Variants in BATF observed in about 807,000 individuals in gnomAD.
The protein encoded by BATF is basic leucine zipper ATF-like transcription factor.
A neutral mutation model predicts 13.7 loss-of-function variants in BATF; 5 were observed. That is an observed-to-expected ratio of 0.36 (90% confidence interval 0.19 to 0.77). The LOEUF (loss-of-function observed/expected upper bound fraction) is 0.77. BATF is among the 30% of genes least tolerant of loss of function. The probability of loss-of-function intolerance (pLI) is 0.51; values close to 1 mark genes in which losing one functional copy is unlikely to be tolerated. For missense variants in BATF, 124 were observed against 163.0 expected, an observed-to-expected ratio of 0.76 and a Z score of 1.30; for synonymous variants, 72 against 67.5, an observed-to-expected ratio of 1.07 and a Z score of -0.33.
chr14:75,522,588 G>T lies in BATF; in HGVS notation c.-95G>T. On this transcript the variant is annotated 5_prime_UTR_variant, in exon 1 of 3. Transcript: ENST00000286639. ...AGGCACCTGTAGGGGGTGGTGGGCT[G>T]GTGGCCCAGGAGAAGTCAGGAAGGG... 6.9e-7 allele frequency: 1 copy of T among 1,440,560 alleles called. No homozygotes were observed. Among genetic ancestry groups the T allele is most frequent in the Admixed American group, 1.7e-5 (1 of 58,714 alleles). The allele number at this position is 1,440,560 out of a possible 1,614,324, so 89.2% of individuals were successfully genotyped here. A position where few individuals can be genotyped will look rare whatever the true frequency, so the allele number is the denominator to read the frequency against.
rs1887745716 is a variant in BATF, at chr14:75,532,278, T to C, written c.168+7090T>C. ...CCTATATTTTCCTTGAATCTCTACA[T>C]GAATTAATTTTTTTGTCTTTTAAGC... On this transcript the variant is annotated intron_variant, in intron 2 of 2. Transcript: ENST00000286639. 7.9e-5 allele frequency among the ~76,000 whole-genome samples: 12 copies of C among 152,322 alleles called. 1 individual carries two copies. The South Asian group carries it at 2.5e-3, about 32-fold the overall frequency.
chr14:75,544,078 T>C (rs1280646402), intron 2 of BATF, among the ~76,000 whole-genome samples: 1 of 152,128 alleles, frequency 6.6e-6, no homozygotes, highest in Admixed American at 6.6e-5. Flanking sequence ...TGCCAGGCAT[T>C]GAGCCAGGCA....
intron 1 of BATF, 91 bp from the exon 2 acceptor site, chr14:75,524,993 T>A: frequency 9.1e-7 from 1 of 1,102,962 alleles, no homozygotes; most frequent in Middle Eastern, 2.0e-4. Context: ...CATGGAAGGA[T>A]GGCTGGACGG....
At chr14:75,536,886 C>T (rs1366873211) in intron 2 of BATF, among the ~76,000 whole-genome samples, 1 of 152,130 alleles carries the variant, frequency 6.6e-6, no homozygotes, top group East Asian at 1.9e-4. Flanking sequence ...GCAATAGCAC[C>T]TCACTAGGCT....
At position 75,546,759 on chromosome 14, in the gene BATF, T is replaced by C. The variant is rs947420640; in HGVS notation, c.*88T>C. ...CATCCCGCAGAGGCCCCTGTCCACC[T>C]GGAGACCCGGAGACAGAGGCCTGGA... On this transcript the variant is annotated 3_prime_UTR_variant, in exon 3 of 3. Transcript: ENST00000286639. The C allele has an allele frequency of 3.5e-5, 49 of 1,413,490 alleles. No individual in the cohort carries two copies. In the African/African-American group the frequency reaches 6.6e-4, roughly 19 times the overall value. 87.6% of individuals were successfully genotyped at this position (1,413,490 alleles called of 1,614,324 possible).
chr14:75,540,336 A>C (rs1359023703), intron 2 of BATF, among the ~76,000 whole-genome samples: 2 of 152,138 alleles, frequency 1.3e-5, no homozygotes, highest in Non-Finnish European at 2.9e-5. Flanking sequence ...GGGATTTCCC[A>C]GAATGTTCCC....
intron 2 of BATF, 91 bp from the exon 3 acceptor site, chr14:75,546,371 C>A: frequency 7.5e-7 from 1 of 1,324,900 alleles, no homozygotes; most frequent in East Asian, 2.4e-5. Context: ...TAGTGAACAA[C>A]TAATCTGGCC....
rs746360020 is a variant in BATF at position 75,522,731 on chromosome 14, C to G, written c.49C>G (p.Pro17Ala). Residue 17 changes from proline to alanine, a missense_variant, in exon 1 of 3, where the codon CCC (proline) becomes GCC (alanine). Pro to Ala is a conservative substitution (Grantham distance 27). Transcript: ENST00000286639. ...TGACTCCAGCTTCAGCCGCTCTCCT[C>G]CCCCTGGCAAACAGGTAGAGTCCTC... ...SSDSSFSRSP[P>A]PGKQDSSDDV... 4 of 1,614,172 alleles carry G rather than the reference C, an allele frequency of 2.5e-6. No homozygotes were observed. Among genetic ancestry groups the G allele is most frequent in the Non-Finnish European group, 3.4e-6 (4 of 1,180,018 alleles).
chr14:75,544,792 A>ATTTTTTTTTT (rs55834315), intron 2 of BATF, among the ~76,000 whole-genome samples: 2 of 134,206 alleles, frequency 1.5e-5, no homozygotes, highest in Non-Finnish European at 3.1e-5. Context: ...TTGAACTGAA[A>ATTTTTTTTTT]TTTTTTTTTT....
chr14:75,528,834 G>A (rs1486555321), intron 2 of BATF, among the ~76,000 whole-genome samples: 2 of 152,108 alleles, frequency 1.3e-5, no homozygotes, highest in African/African-American at 2.4e-5. Context: ...ATGTAATAAC[G>A]TTCCTATATG....
intron 2 of BATF, among the ~76,000 whole-genome samples, chr14:75,536,708 G>A (rs1009150831): frequency 1.1e-4 from 6 of 52,586 alleles, no homozygotes; most frequent in African/African-American, 3.1e-4. Context: ...GGGCAACAGG[G>A]CAAGATCCTG....
At chr14:75,526,483 G>A (rs774417487) in intron 2 of BATF, among the ~76,000 whole-genome samples, 8 of 152,286 alleles carry the variant, frequency 5.3e-5, no homozygotes, top group Middle Eastern at 3.4e-3. Context: ...TGTGTTAACC[G>A]TATCAAGAAT....
chr14:75,542,391 G>A (rs973348349), intron 2 of BATF, among the ~76,000 whole-genome samples: 10 of 152,212 alleles, frequency 6.6e-5, no homozygotes, highest in Non-Finnish European at 1.5e-4. Flanking sequence ...CTCAGTAGCA[G>A]AAGACATGCA....
chr14:75,535,422 T>C (rs1245725821), intron 2 of BATF, among the ~76,000 whole-genome samples: 2 of 152,080 alleles, frequency 1.3e-5, no homozygotes, highest in Admixed American at 6.6e-5. Flanking sequence ...ACAAAAAGGA[T>C]GAGATCTCAA....
chr14:75,525,100 T>A lies in BATF; in HGVS notation c.80T>A (p.Val27Glu). The change falls in exon 2 of 3, where the codon GTG becomes GAG. Residue 27 changes from valine to glutamate, a missense_variant. Around this residue, in one of 2 missense-constraint regions of BATF, gnomAD observed 65 missense variants for 113.3 expected, o/e 0.57. Transcript: ENST00000286639. The stretch of plus-strand genomic sequence containing the variant: ...GCTTCCCAGGACTCATCTGATGATG[T>A]GAGAAGAGTTCAGAGGAGGGAGAAA... Reference protein sequence around the residue: ...PPGKQDSSDDVRRVQRREKNR... With the variant: ...PPGKQDSSDDERRVQRREKNR... 1 of 1,613,388 alleles carries A rather than the reference T, an allele frequency of 6.2e-7. No homozygotes were observed. Among genetic ancestry groups the A allele is most frequent in the Non-Finnish European group, 8.5e-7 (1 of 1,179,748 alleles).
intron 1 of BATF, among the ~76,000 whole-genome samples, chr14:75,524,697 T>C (rs1018892024): frequency 6.6e-6 from 1 of 151,190 alleles, no homozygotes; most frequent in Non-Finnish European, 1.5e-5. Flanking sequence ...AGAAAACAGC[T>C]AAAAGAACAG....
chr14:75,540,689 G>A (rs530689741), intron 2 of BATF, among the ~76,000 whole-genome samples: 4 of 152,266 alleles, frequency 2.6e-5, no homozygotes, highest in South Asian at 4.1e-4. Flanking sequence ...TCTGTAAAAC[G>A]GAGATAATAT....
intron 2 of BATF, among the ~76,000 whole-genome samples, chr14:75,535,556 C>T (rs1313348994): frequency 6.6e-6 from 1 of 151,822 alleles, no homozygotes; most frequent in Non-Finnish European, 1.5e-5. Context: ...AGAAAATGGC[C>T]AAATAGAGAG....
chr14:75,535,985 T>C (rs542945561), intron 2 of BATF, among the ~76,000 whole-genome samples: 8 of 152,318 alleles, frequency 5.3e-5, no homozygotes, highest in East Asian at 1.9e-4. Flanking sequence ...GTACTAGAGC[T>C]GAGATCAGCG....
Sources: allele counts gnomAD v4.1 joint callset (sites outside exome capture counted in the v4.1 genomes callset), GRCh38; gene constraint gnomAD v4.1.1; regional missense constraint gnomAD v4.1.1; transcripts MANE v1.5; gene names NCBI Gene and HGNC (gene_info 2026-07-23, HGNC 2026-07-21).